Variants in NUB1 observed in about 807,000 individuals in gnomAD.
The protein encoded by NUB1 is NEDD8 ultimate buster 1.
Under a neutral mutation model 77.1 loss-of-function variants are expected in NUB1, and 41 were observed. The ratio of observed to expected loss-of-function variants is 0.53; its 90% CI spans 0.41 to 0.69. NUB1 has a LOEUF of 0.69. Ranked by LOEUF, NUB1 falls within the 30% of genes least tolerant of loss-of-function variation. The pLI is 0.00. For synonymous variants in NUB1, 257 were observed against 281.0 expected (o/e 0.91, Z 0.85); for missense variants, 643 against 743.8 (o/e 0.86, Z 1.58).
At position 151,364,511 on chromosome 7, in the gene NUB1, A is replaced by G. The variant is rs779559895; in HGVS notation, c.801-2428A>G. Among the ~76,000 whole-genome samples, 139 of 152,116 alleles carry G rather than the reference A, an allele frequency of 9.1e-4. 6 individuals are homozygous for G. The highest frequency in any genetic ancestry group is 7.9e-4 in the Admixed American group (12 of 15,272). ...CTGTTAAATAACCGACTTAAGCTCA[A>G]ATGGGATTTAATTTTTGTTGTTGTT... On this transcript the variant is annotated intron_variant, in intron 8 of 14. Coordinates refer to ENST00000568733, the MANE Select transcript of NUB1 (RefSeq NM_001243351.2).
rs1946243021 is a variant in NUB1 at position 151,351,446 on chromosome 7, C to T, written c.308C>T (p.Thr103Ile). 1 of 1,612,926 alleles carries T rather than the reference C, an allele frequency of 6.2e-7. No individual in the cohort carries two copies. Among genetic ancestry groups the T allele is most frequent in the Non-Finnish European group, 8.5e-7 (1 of 1,179,230 alleles). The change falls in exon 4 of 15, where the codon ACC (threonine) becomes ATC (isoleucine). Residue 103 changes from threonine to isoleucine, a missense_variant. By Grantham distance (89) the Thr-to-Ile change is moderately conservative. Coordinates refer to ENST00000568733, the MANE Select transcript of NUB1 (RefSeq NM_001243351.2). ...LKKDRKNLLE[T>I]RLHITGRELR... Reference sequence around the variant, plus strand: ...CAGGATAGGAAAAACTTGTTGGAGACCCGATTGCACATCACTGGCAGAGAA... The same window carrying T: ...CAGGATAGGAAAAACTTGTTGGAGATCCGATTGCACATCACTGGCAGAGAA...
At chr7:151,355,576 G>A (rs1797025973) in intron 5 of NUB1, among the ~76,000 whole-genome samples, 192 bp from the exon 6 acceptor site, 1 of 152,228 alleles carries the variant, frequency 6.6e-6, no homozygotes, top group African/African-American at 2.4e-5. Context: ...GGGAGGCTGA[G>A]GTGCAAGACT....
intron 8 of NUB1, among the ~76,000 whole-genome samples, 187 bp from the exon 9 acceptor site, chr7:151,366,752 C>T (rs1425531855): frequency 6.6e-6 from 1 of 152,168 alleles, no homozygotes; most frequent in Non-Finnish European, 1.5e-5. Context: ...TTCTTTCCCC[C>T]ATTAGAAGGA....
At chr7:151,358,908 C>G (rs925157157) in intron 7 of NUB1, among the ~76,000 whole-genome samples, 4 of 150,374 alleles carry the variant, frequency 2.7e-5, no homozygotes, top group African/African-American at 9.8e-5. Context: ...ACTAAAAATA[C>G]AAAAAAATTA....
chr7:151,377,276 G>T lies in NUB1; in HGVS notation c.*51G>T. ...TTCTGCTTATAAATGCTATCATTAT[G>T]AAAAGGCTAATGCAGCTCTTTCTGT... On this transcript the variant is annotated 3_prime_UTR_variant, in exon 15 of 15. Transcript: ENST00000568733. The T allele has an allele frequency of 3.2e-6, 4 of 1,236,176 alleles. No homozygotes were observed. The highest frequency in any genetic ancestry group is 1.1e-6 in the Non-Finnish European group (1 of 911,198). 76.6% of individuals were successfully genotyped at this position (1,236,176 alleles called of 1,614,324 possible).
chr7:151,355,961 C>A lies in NUB1; in HGVS notation c.598+11C>A, dbSNP rs769759492. 15 of 1,612,582 alleles carry A rather than the reference C, an allele frequency of 9.3e-6. No homozygotes were observed. In the South Asian group the frequency reaches 1.1e-4, roughly 12 times the overall value. On this transcript the variant is annotated intron_variant, in intron 6 of 14. Coordinates refer to ENST00000568733, the MANE Select transcript of NUB1 (RefSeq NM_001243351.2). The stretch of plus-strand genomic sequence containing the variant: ...TACTGGCAAAGAGAGGTACCCAGAG[C>A]TCTGGGCTTGTCACCCACTCAGCTG...
rs1797039455 is a variant in NUB1, at chr7:151,355,871, A to G, written c.519A>G (p.Glu173=). Residue 173 remains glutamate (E), a synonymous_variant, in exon 6 of 15, where the codon GAA becomes GAG. Coordinates refer to ENST00000568733, the MANE Select transcript of NUB1 (RefSeq NM_001243351.2). ...EDARKNFQLE[E]EEQNEAKLKE... ...CGAGGAAAAACTTCCAGTTAGAGGAAGAGGAGCAAAATGAGGCCAAACTCA... is the reference window on the plus strand; with the variant it reads ...CGAGGAAAAACTTCCAGTTAGAGGAGGAGGAGCAAAATGAGGCCAAACTCA... The G allele has an allele frequency of 2.2e-5, 35 of 1,613,816 alleles. No individual in the cohort carries two copies. The highest frequency in any genetic ancestry group is 3.0e-5 in the Non-Finnish European group (35 of 1,179,820).
rs1798347449 is a variant in NUB1, at chr7:151,377,303, C to T, written c.*78C>T. 5.5e-6 allele frequency: 5 copies of T among 904,544 alleles called. No homozygotes were observed. Among genetic ancestry groups the T allele is most frequent in the South Asian group, 2.0e-5 (1 of 50,164 alleles). The allele number at this position is 904,544 out of a possible 1,614,324, so 56.0% of individuals were successfully genotyped here. A position where few individuals can be genotyped will look rare whatever the true frequency, so the allele number is the denominator to read the frequency against. ...AAAGGCTAATGCAGCTCTTTCTGTT[C>T]TTACTTTTTATCTGAATTACAAGTC... On this transcript the variant is annotated 3_prime_UTR_variant, in exon 15 of 15. Transcript: ENST00000568733.
intron 3 of NUB1, 35 bp downstream of exon 3, chr7:151,349,275 T>C (rs1359107798): frequency 6.5e-7 from 1 of 1,535,534 alleles, no homozygotes; most frequent in Non-Finnish European, 8.9e-7. Flanking sequence ...TAGGCACTAA[T>C]GTCCAGTTAG....
At chr7:151,364,250 T>C (rs2150694529) in intron 8 of NUB1, among the ~76,000 whole-genome samples, 1 of 149,364 alleles carries the variant, frequency 6.7e-6, no homozygotes, top group Non-Finnish European at 1.5e-5. Context: ...CGAAACCCCG[T>C]CTCTACTAAA....
chr7:151,352,418 G>C (rs1304448659), intron 4 of NUB1: 3 of 275,222 alleles, frequency 1.1e-5, no homozygotes, highest in East Asian at 9.7e-5. Flanking sequence ...GGATAAAAGA[G>C]CTATCATGAT....
chr7:151,344,790 A>G lies in NUB1; in HGVS notation c.-2-558A>G, dbSNP rs553192053. On this transcript the variant is annotated intron_variant, in intron 1 of 14. Transcript: ENST00000568733. ...CAAGGTGGGTGGATCACTTGAGGTC[A>G]GGAATTCGAGACCAGCCTGGCCAAC... 5.9e-5 allele frequency among the ~76,000 whole-genome samples: 9 copies of G among 152,232 alleles called. No individual in the cohort carries two copies. In the South Asian group the frequency reaches 1.9e-3, roughly 32 times the overall value.
intron 11 of NUB1, among the ~76,000 whole-genome samples, chr7:151,370,813 G>A (rs1202490404): frequency 1.3e-5 from 2 of 151,530 alleles, no homozygotes; most frequent in Non-Finnish European, 2.9e-5. Context: ...TTGTTCTTGC[G>A]ATAGTTTACT....
chr7:151,342,074 TAGGCAG>T (rs943953123), intron 1 of NUB1: 2 of 644,778 alleles, frequency 3.1e-6, no homozygotes. Context: ...TGCCCTGAGT[TAGGCAG>T]AGGTGTGGGG....
Position 151,352,855 on chromosome 7 carries a change from G to T in NUB1, c.388G>T (p.Val130Phe). ...ACTTCAAGAAAATTATATCAAAATT[G>T]TCATAAATAAGAAGCAACTACAACT... ...FGLQENYIKI[V>F]INKKQLQLGK... Residue 130 changes from valine (V) to phenylalanine (F), a missense_variant, in exon 5 of 15, where the codon GTC (valine) becomes TTC (phenylalanine). Transcript: ENST00000568733. 6.4e-7 allele frequency: 1 copy of T among 1,559,122 alleles called. No homozygotes were observed. The highest frequency in any genetic ancestry group is 8.8e-7 in the Non-Finnish European group (1 of 1,133,846).
chr7:151,348,417 A>G (rs1466031681), intron 2 of NUB1, among the ~76,000 whole-genome samples: 2 of 151,918 alleles, frequency 1.3e-5, no homozygotes, highest in Non-Finnish European at 2.9e-5. Flanking sequence ...GTGGAGTTGA[A>G]CAGTTCATTA....
intron 14 of NUB1, 22 bp from the exon 15 acceptor site, chr7:151,377,024 AC>A (rs1584981652): frequency 6.0e-6 from 9 of 1,511,254 alleles, no homozygotes; most frequent in Non-Finnish European, 8.0e-6. Context: ...TAATTCACTT[AC>A]TCCTGCGGTA....
In NUB1 at chr7:151,377,073, G is replaced by C. The variant is rs1174581865; in HGVS notation, c.1696G>C (p.Asp566His). ...AGTSSASTDEDMETEAVNEIL... is the reference protein window; with the variant it reads ...AGTSSASTDEHMETEAVNEIL... ...AACCTCTAGTGCCTCAACAGACGAA[G>C]ACATGGAGACAGAGGCCGTCAATGA... is the stretch of plus-strand genomic sequence containing the variant. The change falls in exon 15 of 15, where the codon GAC becomes CAC. Residue 566 changes from aspartate (D) to histidine (H), a missense_variant. Coordinates refer to ENST00000568733, the MANE Select transcript of NUB1 (RefSeq NM_001243351.2). 1 of 1,568,128 alleles carries C rather than the reference G, an allele frequency of 6.4e-7. No homozygotes were observed. The highest frequency in any genetic ancestry group is 8.6e-7 in the Non-Finnish European group (1 of 1,158,984).
At chr7:151,372,860 A>T (rs948472875) in intron 11 of NUB1, among the ~76,000 whole-genome samples, 11 of 152,118 alleles carry the variant, frequency 7.2e-5, no homozygotes, top group Admixed American at 7.2e-4. Flanking sequence ...GGCCTGGTGC[A>T]GCTGAAGGGG....
Sources: gnomAD v4.1 joint callset for allele counts (sites outside exome capture counted in the v4.1 genomes callset) on GRCh38, gnomAD v4.1.1 for gene constraint, MANE v1.5 for transcripts, NCBI Gene and HGNC (gene_info 2026-07-23, HGNC 2026-07-21) for gene names.